The following UNC5C variants were observed in gnomAD, a reference collection of about 807,000 sequenced individuals.
UNC5C encodes unc-5 netrin receptor C.
In UNC5C, 47 loss-of-function variants were observed where a neutral mutation model predicts 99.8. That is an observed-to-expected ratio of 0.47 (90% CI 0.37 to 0.60). The LOEUF (loss-of-function observed/expected upper bound fraction) is 0.60. Among genes scored for constraint, UNC5C ranks in the 20% least tolerant of loss-of-function variants. The pLI, the probability that UNC5C is intolerant of heterozygous loss-of-function variation, is 0.00. For synonymous variants in UNC5C, 487 were observed against 452.2 expected (o/e 1.08, Z -0.98); for missense variants, 1,062 against 1,165.9 (o/e 0.91, Z 1.30).
intron 1 of UNC5C, among the ~76,000 whole-genome samples, chr4:95,541,445 T>C (rs776881146): frequency 1.3e-5 from 2 of 152,176 alleles, no homozygotes; most frequent in Admixed American, 6.5e-5. Context: ...AAGTATCTCC[T>C]GCATTTAAGG....
intron 2 of UNC5C, among the ~76,000 whole-genome samples, chr4:95,308,480 C>T (rs767019269): frequency 1.1e-4 from 16 of 151,890 alleles, no homozygotes; most frequent in African/African-American, 2.2e-4. Context: ...AGGCCAGGTG[C>T]GGTGGCTCAC....
At chr4:95,391,610 A>G (rs1247453982) in intron 1 of UNC5C, among the ~76,000 whole-genome samples, 1 of 152,108 alleles carries the variant, frequency 6.6e-6, no homozygotes, top group African/African-American at 2.4e-5. Context: ...TTATATGTGA[A>G]CTTCTATAAC....
At chr4:95,405,317 G>A (rs987767988) in intron 1 of UNC5C, among the ~76,000 whole-genome samples, 24 of 152,170 alleles carry the variant, frequency 1.6e-4, no homozygotes, top group Non-Finnish European at 8.8e-5. Context: ...TCCCCCTCAC[G>A]GAAGGGGTTT....
intron 1 of UNC5C, among the ~76,000 whole-genome samples, chr4:95,492,806 A>G (rs548530268): frequency 3.3e-5 from 5 of 151,578 alleles, no homozygotes; most frequent in East Asian, 1.9e-4. Flanking sequence ...AACAGAAAAA[A>G]CTTTTGAAAT....
intron 4 of UNC5C, among the ~76,000 whole-genome samples, chr4:95,254,291 C>T (rs1002189547): frequency 6.6e-6 from 1 of 152,194 alleles, no homozygotes; most frequent in Admixed American, 6.5e-5. Context: ...CCTTCAGTTC[C>T]ATGACCCTCC....
intron 1 of UNC5C, among the ~76,000 whole-genome samples, chr4:95,445,790 T>C (rs1299421141): frequency 1.3e-5 from 2 of 149,846 alleles, no homozygotes; most frequent in African/African-American, 4.9e-5. Context: ...CAAGACACAT[T>C]TTTGAAGAGG....
chr4:95,258,311 A>G (rs1740082321), intron 4 of UNC5C, among the ~76,000 whole-genome samples: 1 of 152,176 alleles, frequency 6.6e-6, no homozygotes, highest in African/African-American at 2.4e-5. Flanking sequence ...TGGTCATTTC[A>G]ATGCTTTTTG....
At position 95,162,874 on chromosome 4, in the gene UNC5C, C is replaced by T. The variant is rs973764078; in HGVS notation, c.*6360G>A. On this transcript the variant is annotated 3_prime_UTR_variant, in exon 16 of 16. Transcript: ENST00000453304. The stretch of plus-strand genomic sequence containing the variant: ...AACGACAAAGCACAAAACCTCAATC[C>T]GACCTTTCTGCAGTTGAACTGTTCC... 6 of 152,282 alleles carry T rather than the reference C, an allele frequency of 3.9e-5. No homozygotes were observed. The highest frequency in any genetic ancestry group is 3.9e-4 in the East Asian group (2 of 5,184). 9.4% of individuals were successfully genotyped at this position (152,282 alleles called of 1,614,324 possible).
chr4:95,485,839 C>T (rs894983978), intron 1 of UNC5C, among the ~76,000 whole-genome samples: 4 of 151,580 alleles, frequency 2.6e-5, no homozygotes, highest in African/African-American at 4.8e-5. Context: ...CTACTCAGAT[C>T]GTCACTTTTA....
chr4:95,503,268 A>C (rs1721823666), intron 1 of UNC5C, among the ~76,000 whole-genome samples: 1 of 152,084 alleles, frequency 6.6e-6, no homozygotes, highest in African/African-American at 2.4e-5. Flanking sequence ...TCACCATGGA[A>C]TAACACAGCA....
chr4:95,250,688 T>G, intron 4 of UNC5C, 21 bp from the exon 5 acceptor site: 2 of 1,610,462 alleles, frequency 1.2e-6, no homozygotes, highest in East Asian at 2.2e-5. Context: ...ATGAGAAAAG[T>G]AGATAAATCC....
At chr4:95,474,093 G>C (rs1748056806) in intron 1 of UNC5C, among the ~76,000 whole-genome samples, 1 of 151,930 alleles carries the variant, frequency 6.6e-6, no homozygotes, top group African/African-American at 2.4e-5. Context: ...TTCTATACTT[G>C]ATATTTTCCT....
chr4:95,437,855 A>G (rs1384561995), intron 1 of UNC5C, among the ~76,000 whole-genome samples: 1 of 152,102 alleles, frequency 6.6e-6, no homozygotes, highest in African/African-American at 2.4e-5. Context: ...CCAAAGAAAT[A>G]AAATAGAGTG....
chr4:95,174,993 T>A (rs1736276675), intron 14 of UNC5C, among the ~76,000 whole-genome samples: 1 of 151,944 alleles, frequency 6.6e-6, no homozygotes, highest in East Asian at 1.9e-4. Flanking sequence ...TTTACCATTA[T>A]GTAATGGCCT....
intron 12 of UNC5C, among the ~76,000 whole-genome samples, chr4:95,186,832 A>ACAGT (rs1736851106): frequency 6.6e-6 from 1 of 152,056 alleles, no homozygotes; most frequent in African/African-American, 2.4e-5. Flanking sequence ...GCCCCCAGCC[A>ACAGT]CAGTCAGCCA....
intron 1 of UNC5C, among the ~76,000 whole-genome samples, chr4:95,444,984 G>C (rs1747054817): frequency 6.6e-6 from 1 of 152,150 alleles, no homozygotes; most frequent in South Asian, 2.1e-4. Context: ...TAATGTCTGA[G>C]GGAACTAAAC....
At chr4:95,354,557 G>A (rs771721832) in intron 1 of UNC5C, among the ~76,000 whole-genome samples, 8 of 147,862 alleles carry the variant, frequency 5.4e-5, no homozygotes, top group Non-Finnish European at 1.0e-4. Flanking sequence ...ATGGCTCACT[G>A]TAACCTCAAA....
intron 4 of UNC5C, among the ~76,000 whole-genome samples, chr4:95,274,886 C>G (rs951967504): frequency 3.9e-5 from 6 of 151,986 alleles, no homozygotes; most frequent in Non-Finnish European, 2.9e-5. Flanking sequence ...ACTAGCCATG[C>G]GTGGTGATGT....
intron 1 of UNC5C, among the ~76,000 whole-genome samples, chr4:95,485,310 T>C (rs565439807): frequency 2.0e-5 from 3 of 151,886 alleles, no homozygotes; most frequent in African/African-American, 7.2e-5. Flanking sequence ...AAATGAGTTG[T>C]GCTTCAAGTT....
Sources: allele counts gnomAD v4.1 joint callset (sites outside exome capture counted in the v4.1 genomes callset), GRCh38; gene constraint gnomAD v4.1.1; transcripts MANE v1.5; gene names NCBI Gene and HGNC (gene_info 2026-07-23, HGNC 2026-07-21).